GLCCI1: variants seen among roughly 807,000 people sequenced by gnomAD.
GLCCI1 encodes glucocorticoid induced 1.
In GLCCI1, 24 loss-of-function variants were observed where a neutral mutation model predicts 52.2. The observed-to-expected ratio is 0.46, with a 90% CI of 0.33 to 0.65. The LOEUF (loss-of-function observed/expected upper bound fraction) is 0.65, where lower values mean the gene tolerates loss of function less well. Ranked by LOEUF, GLCCI1 falls within the 30% of genes least tolerant of loss-of-function variation. The probability of loss-of-function intolerance (pLI) is 0.02; values close to 1 mark genes in which losing one functional copy is unlikely to be tolerated. For missense variants in GLCCI1, 704 were observed against 701.5 expected (o/e 1.00, Z -0.04); for synonymous variants, 310 against 276.5 (o/e 1.12, Z -1.20).
chr7:7,993,252 A>G (rs566816974), intron 1 of GLCCI1, among the ~76,000 whole-genome samples: 2 of 152,224 alleles, frequency 1.3e-5, no homozygotes, highest in South Asian at 4.1e-4. Flanking sequence ...TCAAGGCTCT[A>G]GTGCTCCCAC....
At chr7:7,987,523 G>A (rs975563456) in intron 1 of GLCCI1, among the ~76,000 whole-genome samples, 1 of 152,132 alleles carries the variant, frequency 6.6e-6, no homozygotes, top group Non-Finnish European at 1.5e-5. Flanking sequence ...CTACTTGAAT[G>A]TTTCTATTTC....
chr7:8,061,401 TTAGTGG>T (rs1782511368), intron 5 of GLCCI1, among the ~76,000 whole-genome samples: 1 of 151,526 alleles, frequency 6.6e-6, no homozygotes. Flanking sequence ...CACCCAGCCT[TTAGTGG>T]TCATTTGTAT....
chr7:7,976,479 C>CAAAAAA lies in GLCCI1; in HGVS notation c.457+6686_457+6691dup, dbSNP rs35255634. Among the ~76,000 whole-genome samples, 106 of 24,666 alleles carry CAAAAAA rather than the reference C, an allele frequency of 4.3e-3. 10 individuals carry two copies. The highest frequency in any genetic ancestry group is 0.019 in the African/African-American group (97 of 5,010). The allele number at this position is 24,666 out of a possible 152,430, so 16.2% of individuals were successfully genotyped here. On this transcript the variant is annotated intron_variant, in intron 1 of 7. Transcript: ENST00000223145. ...GGGCAACAAGAGTGAAACTCCATCT[C>CAAAAAA]AAAAAAAAAAAAAAAAAAAGGAAAG...
intron 2 of GLCCI1, among the ~76,000 whole-genome samples, chr7:8,021,259 T>C (rs1781478668): frequency 6.6e-6 from 1 of 152,184 alleles, no homozygotes; most frequent in Non-Finnish European, 1.5e-5. Flanking sequence ...TTAATATAAA[T>C]GATACCTTTT....
intron 1 of GLCCI1, among the ~76,000 whole-genome samples, chr7:7,997,567 T>C (rs1780958734): frequency 6.6e-6 from 1 of 152,206 alleles, no homozygotes; most frequent in African/African-American, 2.4e-5. Context: ...ATTGAATTAA[T>C]ATGAATAAGT....
At chr7:8,045,657 G>T (rs1245375255) in intron 3 of GLCCI1, among the ~76,000 whole-genome samples, 2 of 152,052 alleles carry the variant, frequency 1.3e-5, no homozygotes, top group African/African-American at 2.4e-5. Flanking sequence ...ACCCAATGAG[G>T]CAGTTATGCA....
chr7:8,008,049 TTTAA>T (rs972527012), intron 2 of GLCCI1, among the ~76,000 whole-genome samples: 9 of 152,156 alleles, frequency 5.9e-5, no homozygotes, highest in Non-Finnish European at 1.3e-4. Flanking sequence ...CATCAATCTA[TTTAA>T]CATATGCGTT....
At chr7:7,981,296 TTCTC>T (rs941748540) in intron 1 of GLCCI1, 7 of 247,878 alleles carry the variant, frequency 2.8e-5, no homozygotes, top group Admixed American at 6.1e-5. Context: ...CTCTCCCTCT[TTCTC>T]TCTTTCTTTC....
intron 1 of GLCCI1, among the ~76,000 whole-genome samples, chr7:7,974,745 G>C (rs552764485): frequency 6.6e-6 from 1 of 152,272 alleles, no homozygotes; most frequent in African/African-American, 2.4e-5. Flanking sequence ...ATCTGCCAAA[G>C]AGTATAGTCT....
At chr7:8,052,902 C>G (rs1782290008) in intron 3 of GLCCI1, among the ~76,000 whole-genome samples, 1 of 152,136 alleles carries the variant, frequency 6.6e-6, no homozygotes, top group Non-Finnish European at 1.5e-5. Context: ...TTTCCCTGCT[C>G]TATGGTGGAA....
At chr7:8,038,507 G>A (rs1781920637) in intron 3 of GLCCI1, among the ~76,000 whole-genome samples, 1 of 152,130 alleles carries the variant, frequency 6.6e-6, no homozygotes, top group South Asian at 2.1e-4. Context: ...GCTGGGGAAA[G>A]TACACTCTTT....
At chr7:8,067,818 T>A (rs925565715) in intron 5 of GLCCI1, among the ~76,000 whole-genome samples, 2 of 152,118 alleles carry the variant, frequency 1.3e-5, no homozygotes, top group African/African-American at 4.8e-5. Flanking sequence ...AATCTGATGA[T>A]TATGTATCTT....
At chr7:8,006,490 G>A (rs1192431422) in intron 2 of GLCCI1, among the ~76,000 whole-genome samples, 1 of 152,144 alleles carries the variant, frequency 6.6e-6, no homozygotes, top group Non-Finnish European at 1.5e-5. Flanking sequence ...GTGTGATTAA[G>A]TATGATAATA....
chr7:8,001,817 G>A (rs898242979), intron 1 of GLCCI1, among the ~76,000 whole-genome samples: 8 of 152,164 alleles, frequency 5.3e-5, no homozygotes, highest in African/African-American at 1.7e-4. Flanking sequence ...TGTGGATGAA[G>A]CTGGAAACCA....
intron 6 of GLCCI1, among the ~76,000 whole-genome samples, chr7:8,077,829 G>C (rs914008437): frequency 7.2e-5 from 11 of 152,080 alleles, no homozygotes; most frequent in Non-Finnish European, 1.2e-4. Context: ...TCTTTATATG[G>C]GCATTCAGCT....
At chr7:8,026,901 C>T (rs1273918676) in intron 3 of GLCCI1, among the ~76,000 whole-genome samples, 1 of 152,176 alleles carries the variant, frequency 6.6e-6, no homozygotes, top group South Asian at 2.1e-4. Context: ...TCTCCCAGAT[C>T]TTTTTCAAGA....
chr7:8,031,515 T>A (rs1029558611), intron 3 of GLCCI1, among the ~76,000 whole-genome samples: 4 of 152,078 alleles, frequency 2.6e-5, no homozygotes, highest in Non-Finnish European at 2.9e-5. Flanking sequence ...TCAGTAATAA[T>A]TCATTATTCG....
At chr7:8,003,883 T>A in intron 1 of GLCCI1, 25 bp from the exon 2 acceptor site, 1 of 1,597,590 alleles carries the variant, frequency 6.3e-7, no homozygotes, top group Non-Finnish European at 8.5e-7. Context: ...CACTAATGAC[T>A]AATCTTTTTT....
chr7:8,026,716 T>A (rs1781630172), intron 3 of GLCCI1, among the ~76,000 whole-genome samples: 1 of 152,242 alleles, frequency 6.6e-6, no homozygotes. Flanking sequence ...TGCCTGTGCA[T>A]GGAGGGAACG....
Sources: allele counts gnomAD v4.1 joint callset (sites outside exome capture counted in the v4.1 genomes callset), GRCh38; gene constraint gnomAD v4.1.1; transcripts MANE v1.5; gene names NCBI Gene and HGNC (gene_info 2026-07-23, HGNC 2026-07-21).